Variants in PGM5 observed in about 807,000 individuals in gnomAD.
The protein encoded by PGM5 is phosphoglucomutase 5.
In PGM5, 23 loss-of-function variants were observed where a neutral mutation model predicts 59.2. That is an observed-to-expected ratio of 0.39 (90% confidence interval 0.28 to 0.55). The LOEUF (loss-of-function observed/expected upper bound fraction) is 0.55, where lower values mean the gene tolerates loss of function less well. Among genes scored for constraint, PGM5 ranks in the 20% least tolerant of loss-of-function variants. The pLI is 0.66. For missense variants in PGM5, 574 were observed against 748.3 expected (o/e 0.77, Z 2.72); for synonymous variants, 214 against 286.0 (o/e 0.75, Z 2.54).
At chr9:68,445,211 A>G (rs1048237897) in intron 6 of PGM5, among the ~76,000 whole-genome samples, 1 of 144,768 alleles carries the variant, frequency 6.9e-6, no homozygotes, top group Non-Finnish European at 1.5e-5. Flanking sequence ...AGATAGGTGG[A>G]AAAAAAAATC....
intron 9 of PGM5, among the ~76,000 whole-genome samples, chr9:68,494,454 G>A (rs1174260290): frequency 4.6e-5 from 7 of 152,086 alleles, no homozygotes; most frequent in African/African-American, 9.7e-5. Flanking sequence ...GATAGATGAG[G>A]CAAGTGACCC....
intron 6 of PGM5, among the ~76,000 whole-genome samples, chr9:68,454,281 C>G (rs1033991236): frequency 6.6e-6 from 1 of 152,134 alleles, no homozygotes; most frequent in Admixed American, 6.5e-5. Flanking sequence ...AGGGATGGGA[C>G]GCTGGTAGCC....
At chr9:68,502,272 T>C (rs1824588511) in intron 10 of PGM5, among the ~76,000 whole-genome samples, 1 of 152,184 alleles carries the variant, frequency 6.6e-6, no homozygotes, top group Admixed American at 6.5e-5. Flanking sequence ...CAGCAATCAG[T>C]AGGCCTTCAA....
At chr9:68,447,635 A>G (rs189903338) in intron 6 of PGM5, among the ~76,000 whole-genome samples, 3 of 152,346 alleles carry the variant, frequency 2.0e-5, no homozygotes, top group Non-Finnish European at 4.4e-5. Context: ...TATTACTACT[A>G]GAAGAAGGCT....
intron 9 of PGM5, among the ~76,000 whole-genome samples, chr9:68,490,275 T>C (rs1315825805): frequency 1.3e-5 from 2 of 152,230 alleles, no homozygotes; most frequent in Non-Finnish European, 2.9e-5. Flanking sequence ...AGCTTTAAGA[T>C]TGAGTTCTTC....
At chr9:68,457,306 C>T (rs1823794026) in intron 6 of PGM5, among the ~76,000 whole-genome samples, 1 of 152,156 alleles carries the variant, frequency 6.6e-6, no homozygotes, top group Non-Finnish European at 1.5e-5. Context: ...ATGGGACAGA[C>T]AGTGAGGTCC....
chr9:68,492,889 T>C (rs1824417972), intron 9 of PGM5, among the ~76,000 whole-genome samples: 1 of 152,342 alleles, frequency 6.6e-6, no homozygotes, highest in African/African-American at 2.4e-5. Flanking sequence ...ATGGTTCAGA[T>C]GTTACGAAGC....
At chr9:68,468,467 C>T (rs782347238) in intron 7 of PGM5, among the ~76,000 whole-genome samples, 1 of 152,038 alleles carries the variant, frequency 6.6e-6, no homozygotes, top group Non-Finnish European at 1.5e-5. Flanking sequence ...TTTTAGTTTC[C>T]AATTAAAGGG....
chr9:68,369,824 T>G (rs145750109), intron 1 of PGM5, among the ~76,000 whole-genome samples: 1,953 of 152,276 alleles, frequency 0.013, 36 homozygotes, highest in African/African-American at 0.045. Context: ...CTTACTTCCA[T>G]CTGGTCTCCA....
At chr9:68,517,068 G>C (rs1159486022) in intron 10 of PGM5, among the ~76,000 whole-genome samples, 1 of 148,842 alleles carries the variant, frequency 6.7e-6, no homozygotes, top group Non-Finnish European at 1.5e-5. Flanking sequence ...TTTTTAAATA[G>C]AGACGGGGTT....
intron 6 of PGM5, among the ~76,000 whole-genome samples, chr9:68,454,597 A>G (rs1273508323): frequency 2.0e-5 from 3 of 152,170 alleles, no homozygotes; most frequent in Non-Finnish European, 4.4e-5. Context: ...GCCTCATCGC[A>G]TTTAGTCCCC....
intron 6 of PGM5, among the ~76,000 whole-genome samples, chr9:68,445,930 A>T (rs1554683984): frequency 6.6e-6 from 1 of 152,204 alleles, no homozygotes; most frequent in East Asian, 1.9e-4. Flanking sequence ...GTTTCGCATC[A>T]AGGTGTTCCT....
At chr9:68,408,677 A>C (rs1822865423) in intron 6 of PGM5, among the ~76,000 whole-genome samples, 1 of 152,116 alleles carries the variant, frequency 6.6e-6, no homozygotes, top group African/African-American at 2.4e-5. Flanking sequence ...GGTAATGCCT[A>C]GGTTTTCTTC....
intron 1 of PGM5, among the ~76,000 whole-genome samples, chr9:68,369,985 C>T (rs1554677045): frequency 6.6e-6 from 1 of 151,970 alleles, no homozygotes; most frequent in East Asian, 1.9e-4. Context: ...TACTTAAGGA[C>T]TGGCATTCTG....
chr9:68,395,822 A>G (rs1378411480), intron 6 of PGM5: 1 of 152,082 alleles, frequency 6.6e-6, no homozygotes, highest in Non-Finnish European at 1.5e-5. Flanking sequence ...CTCCCACTCT[A>G]CTTGTCTCCC....
chr9:68,450,967 G>T (rs1350273718), intron 6 of PGM5, among the ~76,000 whole-genome samples: 1 of 152,210 alleles, frequency 6.6e-6, no homozygotes. Flanking sequence ...GCAGAATATT[G>T]TAGGAATGGT....
At chr9:68,421,264 C>A (rs1000700966) in intron 6 of PGM5, among the ~76,000 whole-genome samples, 1 of 152,172 alleles carries the variant, frequency 6.6e-6, no homozygotes, top group African/African-American at 2.4e-5. Context: ...CTTCTCTCAC[C>A]CCTGGTGGCT....
intron 6 of PGM5, among the ~76,000 whole-genome samples, chr9:68,457,219 G>A (rs149904798): frequency 2.8e-4 from 42 of 151,974 alleles, no homozygotes; most frequent in African/African-American, 9.9e-4. Flanking sequence ...ATGTGATTAC[G>A]TTTATCAATC....
intron 6 of PGM5, among the ~76,000 whole-genome samples, chr9:68,459,660 C>A (rs1823828844): frequency 6.6e-6 from 1 of 152,130 alleles, no homozygotes; most frequent in Non-Finnish European, 1.5e-5. Context: ...TCTTTACCAG[C>A]ACTTGGCCGT....
Sources: allele counts gnomAD v4.1 joint callset (sites outside exome capture counted in the v4.1 genomes callset), GRCh38; gene constraint gnomAD v4.1.1; transcripts MANE v1.5; gene names NCBI Gene and HGNC (gene_info 2026-07-23, HGNC 2026-07-21).